AGPAT5: variants seen among roughly 807,000 people sequenced by gnomAD.
AGPAT5 encodes 1-acyl-sn-glycerol-3-phosphate acyltransferase epsilon.
A neutral mutation model predicts 45.6 loss-of-function variants in AGPAT5; 46 were observed. The ratio of observed to expected loss-of-function variants is 1.01; its 90% confidence interval spans 0.80 to 1.29. The LOEUF is 1.29. Ranked by LOEUF, AGPAT5 falls within the 50% of genes most tolerant of loss-of-function variation. AGPAT5 has a pLI of 0.00. For missense variants in AGPAT5, 673 were observed against 450.7 expected (o/e 1.49, Z -4.47); for synonymous variants, 272 against 167.0 (o/e 1.63, Z -4.85).
chr8:6,744,015 G>C (rs982629185), intron 5 of AGPAT5, among the ~76,000 whole-genome samples: 1 of 151,950 alleles, frequency 6.6e-6, no homozygotes, highest in Non-Finnish European at 1.5e-5. Context: ...TTTCTTTGTA[G>C]ACTTAACTGA....
intron 1 of AGPAT5, 54 bp downstream of exon 1, chr8:6,708,941 C>G: frequency 6.6e-7 from 1 of 1,514,522 alleles, no homozygotes; most frequent in Non-Finnish European, 8.9e-7. Flanking sequence ...CCCGGGGGCG[C>G]GGACCTCTCC....
Position 6,755,100 on chromosome 8 carries a change from C to T in AGPAT5, c.795C>T (p.Ile265=), listed in dbSNP as rs539211862. The T allele has an allele frequency of 7.5e-6, 12 of 1,605,782 alleles. No individual in the cohort carries two copies. The highest frequency in any genetic ancestry group is 1.3e-5 in the African/African-American group (1 of 74,610). ...AAATTCATATTCACATTGATCGTAT[C>T]GACAAAAAAGATGTCCCAGAAGAAC... ...CPKIHIHIDR[I]DKKDVPEEQE... is the part of the protein sequence containing the mutation. Residue 265 remains isoleucine, a synonymous_variant, in exon 7 of 8, where the codon ATC becomes ATT. Coordinates refer to ENST00000285518, the MANE Select transcript of AGPAT5 (RefSeq NM_018361.5).
intron 4 of AGPAT5, among the ~76,000 whole-genome samples, chr8:6,735,806 A>C (rs566222063): frequency 1.3e-5 from 2 of 151,432 alleles, no homozygotes; most frequent in South Asian, 4.2e-4. Flanking sequence ...ATTTACAAAA[A>C]CGTCAGAAAG....
Position 6,708,766 on chromosome 8 carries a change from G to C in AGPAT5, c.98G>C (p.Gly33Ala), listed in dbSNP as rs138886879. The change falls in exon 1 of 8, where the codon GGG becomes GCG. Residue 33 changes from glycine (G) to alanine (A), a missense_variant. Transcript: ENST00000285518. ...GTAPTYVLAW[G>A]VWRLLSAFLP... ...GCGCCCACCTACGTGTTGGCCTGGGGGGTCTGGCGGCTGCTCTCCGCCTTC... is the reference window on the plus strand; with the variant it reads ...GCGCCCACCTACGTGTTGGCCTGGGCGGTCTGGCGGCTGCTCTCCGCCTTC... The C allele has an allele frequency of 0.025, 39,837 of 1,608,550 alleles. 646 individuals carry two copies. Among genetic ancestry groups the C allele is most frequent in the South Asian group, 0.046 (4,195 of 90,890 alleles).
At chr8:6,721,315 G>T (rs1800489366) in intron 1 of AGPAT5, among the ~76,000 whole-genome samples, 1 of 152,182 alleles carries the variant, frequency 6.6e-6, no homozygotes, top group African/African-American at 2.4e-5. Flanking sequence ...TATTGAAATT[G>T]AAATTCTTTA....
At chr8:6,713,377 C>T (rs1280437505) in intron 1 of AGPAT5, among the ~76,000 whole-genome samples, 8 of 152,068 alleles carry the variant, frequency 5.3e-5, no homozygotes, top group African/African-American at 1.9e-4. Context: ...GCTAATTCCC[C>T]CTTCTCCAAA....
rs766446502 is a variant in AGPAT5, at chr8:6,708,658, G to A, written c.-11G>A. On this transcript the variant is annotated 5_prime_UTR_variant, in exon 1 of 8. Coordinates refer to ENST00000285518, the MANE Select transcript of AGPAT5 (RefSeq NM_018361.5). ...AGCGCAGGCGGAGCTCGCTGCCGCC[G>A]AGCTGAGAAGATGCTGCTGTCCCTG... 23 of 1,546,916 alleles carry A rather than the reference G, an allele frequency of 1.5e-5. No homozygotes were observed. In the Admixed American group the frequency reaches 1.5e-4, roughly 10 times the overall value.
At chr8:6,714,840 A>C (rs1484544834) in intron 1 of AGPAT5, among the ~76,000 whole-genome samples, 1 of 151,902 alleles carries the variant, frequency 6.6e-6, no homozygotes, top group Non-Finnish European at 1.5e-5. Flanking sequence ...GGAAAACAGC[A>C]CTCCGTATAT....
chr8:6,712,963 G>C (rs1466365491), intron 1 of AGPAT5, among the ~76,000 whole-genome samples: 2 of 152,030 alleles, frequency 1.3e-5, no homozygotes, highest in Non-Finnish European at 2.9e-5. Flanking sequence ...GAAATTTGTA[G>C]GCCAAAAAAT....
intron 1 of AGPAT5, among the ~76,000 whole-genome samples, chr8:6,719,959 A>G (rs1800448544): frequency 6.6e-6 from 1 of 152,208 alleles, no homozygotes; most frequent in Non-Finnish European, 1.5e-5. Flanking sequence ...ATTGAAGAGA[A>G]GACCAAGTTG....
intron 6 of AGPAT5, among the ~76,000 whole-genome samples, chr8:6,753,474 T>C (rs540706444): frequency 6.6e-6 from 1 of 152,206 alleles, no homozygotes; most frequent in Non-Finnish European, 1.5e-5. Flanking sequence ...GGGTGAGAAG[T>C]AATTTGTGGC....
Position 6,757,569 on chromosome 8 carries a change from G to A in AGPAT5, c.*181G>A. 1.7e-6 allele frequency: 1 copy of A among 579,236 alleles called. No homozygotes were observed. Among genetic ancestry groups the A allele is most frequent in the Non-Finnish European group, 3.0e-6 (1 of 329,912 alleles). The allele number at this position is 579,236 out of a possible 1,614,324, so 35.9% of individuals were successfully genotyped here. Reference sequence around the variant, plus strand: ...CAATGGTCTTGGGCAAACATACCTGGTTGTACAACTTTAGCATCGGGGCTG... The same window carrying A: ...CAATGGTCTTGGGCAAACATACCTGATTGTACAACTTTAGCATCGGGGCTG... On this transcript the variant is annotated 3_prime_UTR_variant, in exon 8 of 8. Coordinates refer to ENST00000285518, the MANE Select transcript of AGPAT5 (RefSeq NM_018361.5).
chr8:6,732,595 T>G lies in AGPAT5; in HGVS notation c.440T>G (p.Phe147Cys), dbSNP rs1307725324. 6.2e-7 allele frequency: 1 copy of G among 1,611,066 alleles called. No individual in the cohort carries two copies. ...GGIYVKRSAKFNEKEMRNKLQ... is the reference protein window; with the variant it reads ...GGIYVKRSAKCNEKEMRNKLQ... ...ATCTATGTAAAGCGCAGTGCCAAAT[T>G]TAACGAGAAAGAGATGCGAAACAAG... The change falls in exon 4 of 8, where the codon TTT becomes TGT. Residue 147 changes from phenylalanine to cysteine, a missense_variant. By Grantham distance (205) the Phe-to-Cys change is radical. Transcript: ENST00000285518.
At chr8:6,715,974 T>C (rs1800315740) in intron 1 of AGPAT5, among the ~76,000 whole-genome samples, 1 of 152,174 alleles carries the variant, frequency 6.6e-6, no homozygotes, top group Non-Finnish European at 1.5e-5. Flanking sequence ...CCCGGTTAAC[T>C]TTTCCATTCG....
chr8:6,748,452 T>A (rs975429276), intron 6 of AGPAT5, among the ~76,000 whole-genome samples: 2 of 152,110 alleles, frequency 1.3e-5, no homozygotes, highest in Admixed American at 6.6e-5. Flanking sequence ...TTTCAAAATA[T>A]CTGTTTGAGC....
chr8:6,755,548 C>T (rs1223746662), intron 7 of AGPAT5, among the ~76,000 whole-genome samples: 2 of 152,158 alleles, frequency 1.3e-5, no homozygotes, highest in South Asian at 2.1e-4. Context: ...GGCCAGTGTG[C>T]GCAGAAAAGC....
At chr8:6,733,047 G>A (rs564985871) in intron 4 of AGPAT5, among the ~76,000 whole-genome samples, 6 of 152,280 alleles carry the variant, frequency 3.9e-5, no homozygotes, top group Admixed American at 6.5e-5. Context: ...AATTTTGAAT[G>A]TCTTACATGT....
At position 6,758,565 on chromosome 8, in the gene AGPAT5, G is replaced by A. The variant is rs1419725679; in HGVS notation, c.*1177G>A. On this transcript the variant is annotated 3_prime_UTR_variant, in exon 8 of 8. Coordinates refer to ENST00000285518, the MANE Select transcript of AGPAT5 (RefSeq NM_018361.5). ...GCTACTGCAGAGGCATTTTGCATTT[G>A]TCTGTGTCAAGAAGTTCACCTTCTC... 6.6e-6 allele frequency: 1 copy of A among 152,332 alleles called. No homozygotes were observed. Among genetic ancestry groups the A allele is most frequent in the Non-Finnish European group, 1.5e-5 (1 of 68,048 alleles). The allele number at this position is 152,332 out of a possible 1,614,324, so 9.4% of individuals were successfully genotyped here.
intron 6 of AGPAT5, among the ~76,000 whole-genome samples, chr8:6,752,065 T>C (rs1206125432): frequency 6.6e-6 from 1 of 152,054 alleles, no homozygotes; most frequent in East Asian, 1.9e-4. Context: ...TAATTCCAGC[T>C]ACTCAGGAGG....
Sources: allele counts gnomAD v4.1 joint callset (sites outside exome capture counted in the v4.1 genomes callset), GRCh38; gene constraint gnomAD v4.1.1; transcripts MANE v1.5; gene names NCBI Gene and HGNC (gene_info 2026-07-23, HGNC 2026-07-21).